The following RPTOR variants were observed in gnomAD, a reference collection of about 807,000 sequenced individuals.
The protein encoded by RPTOR is regulatory associated protein of MTOR complex 1.
A neutral mutation model predicts 169.9 loss-of-function variants in RPTOR; 21 were observed. That is an observed-to-expected ratio of 0.12 (90% CI 0.09 to 0.18). The LOEUF is 0.18. RPTOR is among the 10% of genes least tolerant of loss of function. The pLI is 1.00. For missense variants in RPTOR, 1,133 were observed against 1,855.9 expected, an observed-to-expected ratio of 0.61 and a Z score of 7.16; for synonymous variants, 732 against 753.2, an observed-to-expected ratio of 0.97 and a Z score of 0.46.
chr17:80,856,109 A>G (rs1359719066), intron 12 of RPTOR, among the ~76,000 whole-genome samples: 1 of 152,252 alleles, frequency 6.6e-6, no homozygotes, highest in African/African-American at 2.4e-5. Context: ...GCTGAGAGGG[A>G]ACCACAGAGT....
At chr17:80,821,120 A>C (rs2067374181) in intron 7 of RPTOR, among the ~76,000 whole-genome samples, 3 of 152,254 alleles carry the variant, frequency 2.0e-5, no homozygotes, top group Admixed American at 2.0e-4. Flanking sequence ...GAAGAATTAC[A>C]TTAAGAAGCT....
At position 80,711,172 on chromosome 17, in the gene RPTOR, T is replaced by C. The variant is rs189080451; in HGVS notation, c.507+3173T>C. On this transcript the variant is annotated intron_variant, in intron 4 of 33. Transcript: ENST00000306801. ...CACCAGTATCGGGGGTATCTGTGAG[T>C]GAGGTGCCTTCCTTTGCTCTTGGTG... Among the ~76,000 whole-genome samples the C allele has an allele frequency of 2.8e-3, 428 of 152,234 alleles. 3 individuals are homozygous for C. The highest frequency in any genetic ancestry group is 8.8e-3 in the African/African-American group (366 of 41,530).
chr17:80,843,049 T>C, intron 10 of RPTOR, among the ~76,000 whole-genome samples: 1 of 152,220 alleles, frequency 6.6e-6, no homozygotes, highest in Non-Finnish European at 1.5e-5. Context: ...CAACTTCGTT[T>C]TTTTCCCCGA....
Position 80,830,375 on chromosome 17 carries a change from T to C in RPTOR, c.1136+7152T>C, listed in dbSNP as rs564349883. Among the ~76,000 whole-genome samples the C allele has an allele frequency of 2.3e-3, 352 of 152,252 alleles. 2 individuals carry two copies. Among genetic ancestry groups the C allele is most frequent in the African/African-American group, 7.2e-3 (301 of 41,542 alleles). ...GCCACCAAAACATTATGTCAAAAAATGGGGGTTTCTCAGTCTGTATCAGTT... is the reference window on the plus strand; with the variant it reads ...GCCACCAAAACATTATGTCAAAAAACGGGGGTTTCTCAGTCTGTATCAGTT... On this transcript the variant is annotated intron_variant, in intron 9 of 33. Coordinates refer to ENST00000306801, the MANE Select transcript of RPTOR (RefSeq NM_020761.3).
intron 1 of RPTOR, among the ~76,000 whole-genome samples, chr17:80,557,516 CAAAAT>C (rs1239213659): frequency 2.1e-5 from 3 of 141,708 alleles, no homozygotes; most frequent in African/African-American, 7.7e-5. Flanking sequence ...GACTTTGTCT[CAAAAT>C]AAATCAATAA....
At chr17:80,649,891 A>T (rs2065626224) in intron 3 of RPTOR, among the ~76,000 whole-genome samples, 1 of 152,124 alleles carries the variant, frequency 6.6e-6, no homozygotes, top group Non-Finnish European at 1.5e-5. Context: ...AGCCCTGCCC[A>T]CGCACTTCCT....
chr17:80,715,980 G>T (rs2066236342), intron 4 of RPTOR, among the ~76,000 whole-genome samples: 1 of 152,160 alleles, frequency 6.6e-6, no homozygotes, highest in Non-Finnish European at 1.5e-5. Flanking sequence ...ATGGGCATTT[G>T]GGTTGGTTCC....
intron 17 of RPTOR, among the ~76,000 whole-genome samples, chr17:80,886,055 A>G (rs1567967710): frequency 6.6e-6 from 1 of 152,216 alleles, no homozygotes; most frequent in African/African-American, 2.4e-5. Context: ...GAGCTGCTCT[A>G]TGGGCAGGGA....
chr17:80,822,943 G>C, intron 8 of RPTOR, 136 bp from the exon 9 acceptor site: 3 of 872,264 alleles, frequency 3.4e-6, no homozygotes, highest in Middle Eastern at 2.5e-4. Flanking sequence ...TTAAGCGTGT[G>C]TGTGTGTTGC....
chr17:80,822,982 CT>C, intron 8 of RPTOR, 96 bp from the exon 9 acceptor site: 1 of 1,401,754 alleles, frequency 7.1e-7, no homozygotes, highest in Non-Finnish European at 9.8e-7. Flanking sequence ...TTAGTCCCAA[CT>C]TTAGTAATTT....
Position 80,846,470 on chromosome 17 carries a change from C to A in RPTOR, c.1213-3C>A. On this transcript the variant is annotated splice_polypyrimidine_tract_variant and splice_region_variant and intron_variant, in intron 10 of 33. Transcript: ENST00000306801. Reference sequence around the variant, plus strand: ...ACAAGCACCTGTTCTGCTTGCCCCGCAGCACAGCCCGTTCTTCGCCGAGCA... The same window carrying A: ...ACAAGCACCTGTTCTGCTTGCCCCGAAGCACAGCCCGTTCTTCGCCGAGCA... 6.2e-7 allele frequency: 1 copy of A among 1,613,860 alleles called. No homozygotes were observed. The highest frequency in any genetic ancestry group is 8.5e-7 in the Non-Finnish European group (1 of 1,179,942).
chr17:80,716,801 C>G (rs2066242876), intron 4 of RPTOR, among the ~76,000 whole-genome samples: 1 of 152,142 alleles, frequency 6.6e-6, no homozygotes, highest in Non-Finnish European at 1.5e-5. Flanking sequence ...TGCCAGTTAT[C>G]CCAGCACCAT....
Position 80,923,679 on chromosome 17 carries a change from G to A in RPTOR, c.2808+6G>A. 6.3e-7 allele frequency: 1 copy of A among 1,581,056 alleles called. No homozygotes were observed. Among genetic ancestry groups the A allele is most frequent in the Non-Finnish European group, 8.6e-7 (1 of 1,159,936 alleles). Reference sequence around the variant, plus strand: ...TCGACAAGGGCCCAGAGCAGGTACGGGAGCCCGGCTGCCTGGTGATCTGGA... The same window carrying A: ...TCGACAAGGGCCCAGAGCAGGTACGAGAGCCCGGCTGCCTGGTGATCTGGA... On this transcript the variant is annotated splice_donor_region_variant and intron_variant, in intron 23 of 33. Transcript: ENST00000306801.
chr17:80,942,854 G>A (rs2069050608), intron 25 of RPTOR, among the ~76,000 whole-genome samples: 1 of 152,210 alleles, frequency 6.6e-6, no homozygotes, highest in Non-Finnish European at 1.5e-5. Context: ...CGTACCAAAT[G>A]CGTGGGCTGG....
chr17:80,734,327 G>T (rs1170874767), intron 5 of RPTOR, among the ~76,000 whole-genome samples: 1 of 152,108 alleles, frequency 6.6e-6, no homozygotes, highest in Non-Finnish European at 1.5e-5. Context: ...CTGCTCCCCG[G>T]CGTCAGCTGG....
intron 24 of RPTOR, among the ~76,000 whole-genome samples, chr17:80,939,366 C>T (rs527380897): frequency 2.0e-5 from 3 of 152,362 alleles, no homozygotes; most frequent in East Asian, 1.9e-4. Context: ...GACACATGCA[C>T]GCACTCGCAC....
intron 1 of RPTOR, among the ~76,000 whole-genome samples, chr17:80,564,872 T>C (rs9901511): frequency 0.032 from 4,933 of 152,294 alleles, 269 homozygotes; most frequent in African/African-American, 0.11. Context: ...CCCGTGTTAG[T>C]TTGCTAAGGA....
intron 1 of RPTOR, among the ~76,000 whole-genome samples, chr17:80,546,113 C>T (rs1297201781): frequency 6.6e-6 from 1 of 152,096 alleles, no homozygotes; most frequent in Admixed American, 6.5e-5. Context: ...TCTGTAAACA[C>T]TTAGAGGAAG....
intron 1 of RPTOR, among the ~76,000 whole-genome samples, chr17:80,563,145 G>A (rs549571606): frequency 2.0e-5 from 3 of 152,214 alleles, no homozygotes; most frequent in Admixed American, 6.5e-5. Context: ...CTTTTACTTC[G>A]TACACACAGC....
Sources: gnomAD v4.1 joint callset for allele counts (sites outside exome capture counted in the v4.1 genomes callset) on GRCh38, gnomAD v4.1.1 for gene constraint, MANE v1.5 for transcripts, NCBI Gene and HGNC (gene_info 2026-07-23, HGNC 2026-07-21) for gene names.